SLC3A2: variants seen among roughly 807,000 people sequenced by gnomAD.
The protein encoded by SLC3A2 is amino acid transporter heavy chain SLC3A2.
Under a neutral mutation model 48.5 loss-of-function variants are expected in SLC3A2, and 32 were observed. The ratio of observed to expected loss-of-function variants is 0.66; its 90% CI spans 0.50 to 0.89. The LOEUF (loss-of-function observed/expected upper bound fraction) is 0.89. Ranked by LOEUF, SLC3A2 falls within the 40% of genes least tolerant of loss-of-function variation. SLC3A2 has a pLI of 0.00. For synonymous variants in SLC3A2, 277 were observed against 288.8 expected, an observed-to-expected ratio of 0.96 and a Z score of 0.41; for missense variants, 587 against 680.7, an observed-to-expected ratio of 0.86 and a Z score of 1.53.
rs866656224 is a variant in SLC3A2, at chr11:62,886,215, G to A, written c.1143+607G>A. The stretch of plus-strand genomic sequence containing the variant: ...TGAGGCAAGAGAATCGCTTGAACCT[G>A]GAGGCAGAGGTTGCAGTGAACTGAG... On this transcript the variant is annotated intron_variant, in intron 7 of 8. Coordinates refer to ENST00000338663, the MANE Select transcript of SLC3A2 (RefSeq NM_001013251.3). Among the ~76,000 whole-genome samples the A allele has an allele frequency of 2.0e-5, 3 of 152,122 alleles. No homozygotes were observed. The Middle Eastern group carries it at 0.01, about 517-fold the overall frequency.
Position 62,888,608 on chromosome 11 carries a change from G to T in SLC3A2, c.1505G>T (p.Arg502Leu). 1 of 1,611,754 alleles carries T rather than the reference G, an allele frequency of 6.2e-7. No homozygotes were observed. Among genetic ancestry groups the T allele is most frequent in the East Asian group, 2.2e-5 (1 of 44,888 alleles). The change falls in exon 9 of 9, where the codon CGT becomes CTT. Residue 502 changes from arginine to leucine, a missense_variant. By Grantham distance (102) the Arg-to-Leu change is moderately radical. Transcript: ENST00000338663. ...CTCCTGCTCAGCACCCAGCCAGGCC[G>T]TGAGGAGGGCTCCCCTCTTGAGCTG... is the stretch of plus-strand genomic sequence containing the variant. ...ADLLLSTQPG[R>L]EEGSPLELER...
At chr11:62,862,044 C>T (rs1025493533) in intron 1 of SLC3A2, among the ~76,000 whole-genome samples, 2 of 151,758 alleles carry the variant, frequency 1.3e-5, no homozygotes, top group African/African-American at 4.8e-5. Context: ...CTAGGCCAGG[C>T]GCGGTGGCTT....
chr11:62,858,653 G>A (rs2085364287), intron 1 of SLC3A2, among the ~76,000 whole-genome samples: 1 of 152,138 alleles, frequency 6.6e-6, no homozygotes, highest in Non-Finnish European at 1.5e-5. Flanking sequence ...TCAGCATATG[G>A]AGGATCCCGC....
intron 1 of SLC3A2, among the ~76,000 whole-genome samples, chr11:62,858,151 C>A (rs1346043647): frequency 6.6e-6 from 1 of 151,974 alleles, no homozygotes; most frequent in Admixed American, 6.6e-5. Context: ...GTAGTTTAGG[C>A]AAGAGGATTC....
chr11:62,870,187 A>T (rs2085496375), intron 1 of SLC3A2, among the ~76,000 whole-genome samples: 1 of 148,660 alleles, frequency 6.7e-6, no homozygotes, highest in Non-Finnish European at 1.5e-5. Flanking sequence ...TTACTTATTT[A>T]TTTATTTTTT....
In SLC3A2 at chr11:62,872,226, A is replaced by T. The variant is rs554726939; in HGVS notation, c.113-8793A>T. On this transcript the variant is annotated intron_variant, in intron 1 of 9. Transcript: ENST00000377889. ...ACTGCACCTGGCCCTCTGCTTTTTT[A>T]AAAAAAGAATTCATTAGCTGAGTGC... Among the ~76,000 whole-genome samples, 43 of 152,128 alleles carry T rather than the reference A, an allele frequency of 2.8e-4. No homozygotes were observed. The East Asian group carries it at 5.8e-3, about 21-fold the overall frequency.
chr11:62,862,852 T>G lies in SLC3A2; in HGVS notation c.112+6471T>G, dbSNP rs143684361. On this transcript the variant is annotated intron_variant, in intron 1 of 9. Transcript: ENST00000377889. Reference sequence around the variant, plus strand: ...TGGCAGCAAGAGGCACTGCCTCAATTAATAGAGGAGAAGGATATGCAAATG... The same window carrying G: ...TGGCAGCAAGAGGCACTGCCTCAATGAATAGAGGAGAAGGATATGCAAATG... Among the ~76,000 whole-genome samples the G allele has an allele frequency of 3.0e-3, 455 of 152,230 alleles. 3 individuals are homozygous for G. The highest frequency in any genetic ancestry group is 9.4e-3 in the African/African-American group (390 of 41,532).
intron 1 of SLC3A2, among the ~76,000 whole-genome samples, chr11:62,874,584 T>C (rs543224035): frequency 6.6e-6 from 1 of 152,280 alleles, no homozygotes; most frequent in Admixed American, 6.6e-5. Flanking sequence ...CTGACAGGTC[T>C]CTTCTTTAGC....
At chr11:62,873,705 G>T (rs1467993446) in intron 1 of SLC3A2, among the ~76,000 whole-genome samples, 1 of 152,096 alleles carries the variant, frequency 6.6e-6, no homozygotes, top group Non-Finnish European at 1.5e-5. Flanking sequence ...AAACTTCTGG[G>T]CTCTAATGAT....
intron 1 of SLC3A2, among the ~76,000 whole-genome samples, chr11:62,861,478 C>A (rs1046429749): frequency 2.0e-5 from 3 of 152,114 alleles, no homozygotes; most frequent in Non-Finnish European, 2.9e-5. Flanking sequence ...CCAGGCTGGT[C>A]TCAAACTCCT....
At chr11:62,884,168 T>C in intron 3 of SLC3A2, 1 of 551,448 alleles carries the variant, frequency 1.8e-6, no homozygotes, top group Non-Finnish European at 3.3e-6. Context: ...TGGACATACC[T>C]TTTCTCTGGG....
At chr11:62,873,933 A>C (rs1049351296) in intron 1 of SLC3A2, among the ~76,000 whole-genome samples, 9 of 135,786 alleles carry the variant, frequency 6.6e-5, no homozygotes, top group African/African-American at 2.5e-4. Flanking sequence ...CTTCCCAAGT[A>C]GCTGGGACCC....
chr11:62,864,700 T>C (rs1042200676), intron 1 of SLC3A2, among the ~76,000 whole-genome samples: 2 of 151,762 alleles, frequency 1.3e-5, no homozygotes, highest in African/African-American at 4.8e-5. Flanking sequence ...CCTCCTGACC[T>C]CGTGATCCGC....
Position 62,880,929 on chromosome 11 carries a change from A to G in SLC3A2, c.-95A>G, listed in dbSNP as rs1053785722. On this transcript the variant is annotated 5_prime_UTR_variant, in exon 1 of 9. Coordinates refer to ENST00000338663, the MANE Select transcript of SLC3A2 (RefSeq NM_001013251.3). ...TAGCCGAAACTGCGCGGAGGCACAG[A>G]GGCCGGGGAGAGCGTTCTGGGTCCG... 6.8e-7 allele frequency: 1 copy of G among 1,469,756 alleles called. No individual in the cohort carries two copies. Among genetic ancestry groups the G allele is most frequent in the Non-Finnish European group, 9.0e-7 (1 of 1,110,928 alleles). The allele number at this position is 1,469,756 out of a possible 1,614,324, so 91.0% of individuals were successfully genotyped here.
chr11:62,869,263 A>G (rs982704130), intron 1 of SLC3A2, among the ~76,000 whole-genome samples: 2 of 151,706 alleles, frequency 1.3e-5, no homozygotes, highest in Admixed American at 1.3e-4. Context: ...CGTGGCTTAC[A>G]TCTGTAATCC....
intron 1 of SLC3A2, among the ~76,000 whole-genome samples, chr11:62,874,056 TAC>T (rs1473175835): frequency 7.8e-6 from 1 of 128,440 alleles, no homozygotes; most frequent in Non-Finnish European, 1.6e-5. Context: ...TGCCCAGAGA[TAC>T]AGAGTTTAAC....
upstream of SLC3A2, among the ~76,000 whole-genome samples, chr11:62,877,063 CTT>C (rs71691999): frequency 7.5e-5 from 10 of 134,160 alleles, no homozygotes; most frequent in Non-Finnish European, 8.1e-5. Flanking sequence ...TCTTCCTTTT[CTT>C]TTTTTTTTTT....
chr11:62,874,742 A>G (rs1242375393), intron 1 of SLC3A2, among the ~76,000 whole-genome samples: 2 of 151,118 alleles, frequency 1.3e-5, no homozygotes, highest in African/African-American at 4.9e-5. Context: ...CAAATGCTCA[A>G]TTCCTCACCC....
chr11:62,881,446 G>C lies in SLC3A2; in HGVS notation c.423G>C (p.Ala141=). The C allele has an allele frequency of 1.3e-6, 2 of 1,580,970 alleles. No individual in the cohort carries two copies. The highest frequency in any genetic ancestry group is 1.7e-6 in the Non-Finnish European group (2 of 1,171,634). The change falls in exon 1 of 9, where the codon GCG becomes GCC. Residue 141 remains alanine, a splice_region_variant and synonymous_variant. Transcript: ENST00000338663. This position sits in a 1 kb window ranked among gnomAD's most constrained non-coding sequence, Gnocchi z 4.0. ...AFQGHGAGNL[A]GLKGRLDYLS... is the part of the protein sequence containing the mutation. The stretch of plus-strand genomic sequence containing the variant: ...AGGGCCACGGCGCGGGCAACCTGGC[G>C]GGTGAGTGCAGCGCGCCCCCGTCCC...
Sources: allele counts gnomAD v4.1 joint callset (sites outside exome capture counted in the v4.1 genomes callset), GRCh38; gene constraint gnomAD v4.1.1; non-coding constraint Gnocchi (gnomAD v3.1); transcripts MANE v1.5; gene names NCBI Gene and HGNC (gene_info 2026-07-23, HGNC 2026-07-21).